FRMD8: variants seen among roughly 807,000 people sequenced by gnomAD.
The protein encoded by FRMD8 is FERM domain containing 8.
A neutral mutation model predicts 54.2 loss-of-function variants in FRMD8; 37 were observed. That is an observed-to-expected ratio of 0.68 (90% CI 0.53 to 0.90). The LOEUF (loss-of-function observed/expected upper bound fraction) is 0.90, where lower values mean the gene tolerates loss of function less well. Ranked by LOEUF, FRMD8 falls within the 40% of genes least tolerant of loss-of-function variation. The pLI is 0.00. For synonymous variants in FRMD8, 246 were observed against 286.9 expected, an observed-to-expected ratio of 0.86 and a Z score of 1.44; for missense variants, 585 against 653.7, an observed-to-expected ratio of 0.89 and a Z score of 1.15.
intron 3 of FRMD8, among the ~76,000 whole-genome samples, chr11:65,389,853 C>T (rs988237064): frequency 7.2e-5 from 11 of 152,180 alleles, no homozygotes; most frequent in African/African-American, 2.7e-4. Context: ...CCGAGCATAA[C>T]CTTTGCCACA....
rs757454258 is a variant in FRMD8, at chr11:65,396,855, T to C, written c.638T>C (p.Phe213Ser). The C allele has an allele frequency of 6.4e-7, 1 of 1,564,494 alleles. No individual in the cohort carries two copies. Among genetic ancestry groups the C allele is most frequent in the Non-Finnish European group, 8.7e-7 (1 of 1,155,524 alleles). Residue 213 changes from phenylalanine to serine, a missense_variant, in exon 7 of 11, where the codon TTT becomes TCT. Physicochemically the swap from Phe to Ser is radical, Grantham distance 155. Coordinates refer to ENST00000317568, the MANE Select transcript of FRMD8 (RefSeq NM_031904.5). ...AHLCKRGQSL[F>S]AALRGRGARA... The stretch of plus-strand genomic sequence containing the variant: ...CTCTGTAAGCGGGGCCAGAGTCTCT[T>C]TGCTGCCCTCCGGGGCCGTGGGGCC...
intron 9 of FRMD8, among the ~76,000 whole-genome samples, chr11:65,403,227 G>C (rs1856119402): frequency 6.6e-6 from 1 of 151,822 alleles, no homozygotes; most frequent in Non-Finnish European, 1.5e-5. Context: ...CTGTCGCCCA[G>C]GCTGGAGTGC....
At chr11:65,368,855 G>T in the FRMD8 span, among the ~76,000 whole-genome samples, 1 of 152,064 alleles carries the variant, frequency 6.6e-6, no homozygotes, top group African/African-American at 2.4e-5. Flanking sequence ...GAGCCACCAC[G>T]CCCGGTCTAC....
At chr11:65,389,994 C>T (rs1245639989) in intron 3 of FRMD8, among the ~76,000 whole-genome samples, 1 of 152,224 alleles carries the variant, frequency 6.6e-6, no homozygotes, top group Non-Finnish European at 1.5e-5. Context: ...GCCTGAGTGG[C>T]TTCCCGGTCG....
chr11:65,379,626 CT>C, the FRMD8 span: 26 of 1,494,702 alleles, frequency 1.7e-5, no homozygotes, highest in Non-Finnish European at 2.3e-5. Flanking sequence ...CTCTCCACCC[CT>C]GGCAAGGCAG....
chr11:65,405,871 A>G (rs937162345), intron 10 of FRMD8, among the ~76,000 whole-genome samples: 4 of 151,942 alleles, frequency 2.6e-5, no homozygotes, highest in African/African-American at 9.7e-5. Context: ...GCACGGTGGT[A>G]TATGCCTGTA....
the FRMD8 span, chr11:65,379,922 TG>T: frequency 1.9e-6 from 3 of 1,614,184 alleles, no homozygotes; most frequent in Non-Finnish European, 2.5e-6. Context: ...GTAGGTGGTC[TG>T]GGTCTGCAGC....
chr11:65,384,309 C>T (rs934916655), upstream of FRMD8, among the ~76,000 whole-genome samples: 1 of 152,106 alleles, frequency 6.6e-6, no homozygotes, highest in Non-Finnish European at 1.5e-5. Flanking sequence ...GGGGTCTTTC[C>T]TGGGGTCCTA....
At chr11:65,374,227 CG>C in the FRMD8 span, among the ~76,000 whole-genome samples, 2 of 142,888 alleles carry the variant, frequency 1.4e-5, no homozygotes, top group African/African-American at 2.6e-5. Flanking sequence ...CTGATGAGCA[CG>C]TGACGTAGTA....
chr11:65,407,972 G>A (rs1381460625), intron 10 of FRMD8, among the ~76,000 whole-genome samples: 1 of 151,906 alleles, frequency 6.6e-6, no homozygotes, highest in Non-Finnish European at 1.5e-5. Flanking sequence ...GGCCGTCAGC[G>A]GCTGTAGCTT....
In FRMD8 at chr11:65,386,697, G is replaced by A; in HGVS notation, c.-65G>A. 6.5e-6 allele frequency: 2 copies of A among 308,560 alleles called. No homozygotes were observed. Among genetic ancestry groups the A allele is most frequent in the South Asian group, 2.0e-4 (2 of 9,968 alleles). The allele number at this position is 308,560 out of a possible 1,614,324, so 19.1% of individuals were successfully genotyped here. A position where few individuals can be genotyped will look rare whatever the true frequency, so the allele number is the denominator to read the frequency against. ...CCGAGTGCGGGCGGTGGCGGGCTTGGCGGCGGGGCAGGATTCCAGGCAGGA... is the reference window on the plus strand; with the variant it reads ...CCGAGTGCGGGCGGTGGCGGGCTTGACGGCGGGGCAGGATTCCAGGCAGGA... On this transcript the variant is annotated 5_prime_UTR_variant, in exon 1 of 11. Transcript: ENST00000317568.
Position 65,411,570 on chromosome 11 carries a change from C to T in FRMD8, c.*210C>T. On this transcript the variant is annotated 3_prime_UTR_variant, in exon 11 of 11. Coordinates refer to ENST00000317568, the MANE Select transcript of FRMD8 (RefSeq NM_031904.5). ...GGCCAGGGCCTCCTGTAGGGCTCCT[C>T]TGCAGCCTGCCCTCCCTTCCCCCGG... 2.2e-6 allele frequency: 1 copy of T among 461,606 alleles called. No individual in the cohort carries two copies. The highest frequency in any genetic ancestry group is 3.6e-5 in the South Asian group (1 of 27,770). The allele number at this position is 461,606 out of a possible 1,614,324, so 28.6% of individuals were successfully genotyped here.
Position 65,400,003 on chromosome 11 carries a change from G to T in FRMD8, c.927+144G>T. 4.0e-6 allele frequency: 4 copies of T among 993,718 alleles called. No homozygotes were observed. Among genetic ancestry groups the T allele is most frequent in the Non-Finnish European group, 5.8e-6 (4 of 685,956 alleles). 61.6% of individuals were successfully genotyped at this position (993,718 alleles called of 1,614,324 possible). On this transcript the variant is annotated intron_variant, in intron 8 of 10. Transcript: ENST00000317568. This position sits in a 1 kb window ranked among gnomAD's most constrained non-coding sequence, Gnocchi z 4.3. ...GACCCTGCCTCCGTTGGATGTCCTC[G>T]TAGCCCCTGAGGGTGATCCTGGGTC... is the stretch of plus-strand genomic sequence containing the variant.
intron 7 of FRMD8, 67 bp downstream of exon 7, chr11:65,397,087 CTG>C: frequency 3.3e-6 from 3 of 911,786 alleles, no homozygotes; most frequent in Non-Finnish European, 4.7e-6. Context: ...GCTAGCACAG[CTG>C]CCAGTGAGCC....
chr11:65,402,432 T>C (rs1409759071), intron 9 of FRMD8, among the ~76,000 whole-genome samples: 1 of 152,228 alleles, frequency 6.6e-6, no homozygotes, highest in African/African-American at 2.4e-5. Context: ...TGTGGGTCTG[T>C]TTCTGGATTC....
Position 65,394,358 on chromosome 11 carries a change from G to T in FRMD8, c.514G>T (p.Gly172Cys). 6.3e-7 allele frequency: 1 copy of T among 1,578,764 alleles called. No individual in the cohort carries two copies. Among genetic ancestry groups the T allele is most frequent in the Non-Finnish European group, 8.6e-7 (1 of 1,163,152 alleles). The change falls in exon 6 of 11, where the codon GGC becomes TGC. Residue 172 changes from glycine to cysteine, a missense_variant. Transcript: ENST00000317568. ...CGACGTGGAGGACTGCGAGGCTCTG[G>T]GCGCCCTGGTGTGCCGCGTGCAGCT... ...PCDVEDCEAL[G>C]ALVCRVQLGP...
In FRMD8 at chr11:65,397,028, C is replaced by G. The variant is rs758332547; in HGVS notation, c.803+8C>G. 243 of 1,419,722 alleles carry G rather than the reference C, an allele frequency of 1.7e-4. No individual in the cohort carries two copies. Among genetic ancestry groups the G allele is most frequent in the Non-Finnish European group, 2.2e-4 (233 of 1,071,974 alleles). 87.9% of individuals were successfully genotyped at this position (1,419,722 alleles called of 1,614,324 possible). A position where few individuals can be genotyped will look rare whatever the true frequency, so the allele number is the denominator to read the frequency against. On this transcript the variant is annotated splice_region_variant and intron_variant, in intron 7 of 10. Transcript: ENST00000317568. ...CGAGCTGCCGTTTTATGGGTAAGAG[C>G]CACAGCCCCGCGGTCCCCCACCCCC...
intron 3 of FRMD8, among the ~76,000 whole-genome samples, chr11:65,393,091 G>A (rs779303081): frequency 6.6e-6 from 1 of 152,356 alleles, no homozygotes; most frequent in Admixed American, 6.5e-5. Flanking sequence ...TTGCAGGATG[G>A]AAGGTCAGCT....
Position 65,412,831 on chromosome 11 carries a change from G to C in FRMD8, c.*1471G>C, listed in dbSNP as rs879239900. 6.6e-6 allele frequency: 1 copy of C among 152,344 alleles called. No homozygotes were observed. The highest frequency in any genetic ancestry group is 1.9e-4 in the East Asian group (1 of 5,186). The allele number at this position is 152,344 out of a possible 1,614,324, so 9.4% of individuals were successfully genotyped here. A position where few individuals can be genotyped will look rare whatever the true frequency, so the allele number is the denominator to read the frequency against. ...TAGGCGGAAAGAAGAGGCCTGGGAA[G>C]GGCCCCCAGTCTTTTGGAATGTCCT... On this transcript the variant is annotated 3_prime_UTR_variant, in exon 11 of 11. Transcript: ENST00000317568.
Sources: allele counts gnomAD v4.1 joint callset (sites outside exome capture counted in the v4.1 genomes callset), GRCh38; gene constraint gnomAD v4.1.1; non-coding constraint Gnocchi (gnomAD v3.1); transcripts MANE v1.5; gene names NCBI Gene and HGNC (gene_info 2026-07-23, HGNC 2026-07-21).